Variants in ARHGAP39 observed in about 807,000 individuals in gnomAD.
The protein encoded by ARHGAP39 is rho GTPase-activating protein 39.
In ARHGAP39, 44 loss-of-function variants were observed where a neutral mutation model predicts 106.9. The ratio of observed to expected loss-of-function variants is 0.41; its 90% CI spans 0.32 to 0.53. ARHGAP39 has a LOEUF of 0.53. Among genes scored for constraint, ARHGAP39 ranks in the 20% least tolerant of loss-of-function variants. The pLI, the probability that ARHGAP39 is intolerant of heterozygous loss-of-function variation, is 0.21. For synonymous variants in ARHGAP39, 768 were observed against 693.2 expected, an observed-to-expected ratio of 1.11 and a Z score of -1.69; for missense variants, 1,496 against 1,577.3, an observed-to-expected ratio of 0.95 and a Z score of 0.87.
intron 3 of ARHGAP39, among the ~76,000 whole-genome samples, chr8:144,561,939 C>CGG (rs1818188045): frequency 3.3e-5 from 5 of 150,598 alleles, no homozygotes; most frequent in African/African-American, 1.2e-4. Context: ...TGGTTTCCAT[C>CGG]ACACTCCAGT....
At chr8:144,536,290 C>T (rs1213792805) in intron 7 of ARHGAP39, among the ~76,000 whole-genome samples, 3 of 152,132 alleles carry the variant, frequency 2.0e-5, no homozygotes, top group Non-Finnish European at 4.4e-5. Flanking sequence ...GCCAGGCCTG[C>T]CCCGGGGACC....
chr8:144,691,473 C>G, the ARHGAP39 span, among the ~76,000 whole-genome samples: 36 of 152,174 alleles, frequency 2.4e-4, no homozygotes, highest in Non-Finnish European at 4.6e-4. Context: ...GAAAGTGAGA[C>G]TTTTAATGAT....
chr8:144,548,000 C>T lies in ARHGAP39; in HGVS notation c.1086G>A (p.Gln362=), dbSNP rs1474850906. 6.2e-7 allele frequency: 1 copy of T among 1,610,216 alleles called. No individual in the cohort carries two copies. The highest frequency in any genetic ancestry group is 2.2e-5 in the East Asian group (1 of 44,788). The change falls in exon 5 of 12, where the codon CAG becomes CAA. Residue 362 remains glutamine, a synonymous_variant. Coordinates refer to ENST00000377307, the MANE Select transcript of ARHGAP39 (RefSeq NM_025251.3). The surrounding 1 kb of genome is among the most constrained non-coding windows in gnomAD (Gnocchi z 5.2). The part of the protein sequence containing the change: ...KPRPFLQPNK[Q]GPPSPCQQLV... ...GCTGCTGGCAGGGCGAGGGGGGGCC[C>T]TGCTTGTTGGGCTGGAGGAACGGCC... is the stretch of plus-strand genomic sequence containing the variant.
chr8:144,651,650 T>G (rs1036827451), intron 1 of ARHGAP39, among the ~76,000 whole-genome samples: 3 of 152,096 alleles, frequency 2.0e-5, no homozygotes, highest in African/African-American at 7.2e-5. Flanking sequence ...GAGGTTGCAG[T>G]GATCTGAGAT....
chr8:144,552,100 G>A (rs1817717734), intron 4 of ARHGAP39, among the ~76,000 whole-genome samples: 1 of 152,226 alleles, frequency 6.6e-6, no homozygotes, highest in African/African-American at 2.4e-5. Context: ...CTGTTCAGGG[G>A]ACACTTCCAA....
intron 8 of ARHGAP39, 55 bp from the exon 9 acceptor site, chr8:144,533,380 GC>G: frequency 6.4e-7 from 1 of 1,554,382 alleles, no homozygotes; most frequent in Non-Finnish European, 8.8e-7. Flanking sequence ...AGGACCCCCC[GC>G]CACCCCGGTT....
intron 3 of ARHGAP39, among the ~76,000 whole-genome samples, chr8:144,563,899 T>A (rs1019890343): frequency 6.6e-6 from 1 of 152,250 alleles, no homozygotes; most frequent in African/African-American, 2.4e-5. Flanking sequence ...CAACCTAACA[T>A]TACAAATCAA....
intron 3 of ARHGAP39, among the ~76,000 whole-genome samples, chr8:144,579,210 A>AG (rs1818878465): frequency 1.3e-5 from 2 of 150,340 alleles, no homozygotes; most frequent in South Asian, 4.2e-4. Context: ...TCAAAAAAAA[A>AG]AAAAAAAAAA....
intron 4 of ARHGAP39, among the ~76,000 whole-genome samples, chr8:144,551,313 C>T (rs544774746): frequency 9.1e-4 from 138 of 152,304 alleles, no homozygotes; most frequent in Middle Eastern, 6.8e-3. Context: ...ATCTCAGGAA[C>T]GGACATGGGT....
intron 1 of ARHGAP39, among the ~76,000 whole-genome samples, chr8:144,654,810 C>T (rs1821656172): frequency 1.3e-5 from 2 of 152,028 alleles, no homozygotes; most frequent in African/African-American, 2.4e-5. Context: ...AGATCTGAGC[C>T]TCCCTGTGTT....
At chr8:144,669,638 G>A (rs1822052541) in intron 1 of ARHGAP39, among the ~76,000 whole-genome samples, 1 of 151,848 alleles carries the variant, frequency 6.6e-6, no homozygotes, top group African/African-American at 2.4e-5. Context: ...TCCGGCACTT[G>A]TATACAGAAT....
At chr8:144,581,339 C>G (rs1818983874) in intron 2 of ARHGAP39, 62 bp from the exon 3 acceptor site, 3 of 1,455,176 alleles carry the variant, frequency 2.1e-6, no homozygotes, top group African/African-American at 1.4e-5. Context: ...GCCTCCCACC[C>G]CTGCAGACCC....
chr8:144,606,720 C>T (rs1820306204), intron 1 of ARHGAP39, among the ~76,000 whole-genome samples: 2 of 151,998 alleles, frequency 1.3e-5, no homozygotes, highest in Admixed American at 6.6e-5. Flanking sequence ...CCCCTAAACC[C>T]TAAGTTGTTC....
At chr8:144,660,146 C>T (rs1821787928) in intron 1 of ARHGAP39, among the ~76,000 whole-genome samples, 1 of 152,154 alleles carries the variant, frequency 6.6e-6, no homozygotes, top group African/African-American at 2.4e-5. Context: ...TGGAATGCTC[C>T]CGTGTCTCCT....
Position 144,568,149 on chromosome 8 carries a change from T to G in ARHGAP39, c.513-12506A>C, listed in dbSNP as rs1231608573. On this transcript the variant is annotated intron_variant, in intron 3 of 11. Transcript: ENST00000377307. ...GAGTTTGAGATCAGCCTGGCCAACA[T>G]GGTGAACTCTCGTCTTTGCCAAAAA... 1.3e-5 allele frequency among the ~76,000 whole-genome samples: 2 copies of G among 151,880 alleles called. 1 individual carries two copies. Among genetic ancestry groups the G allele is most frequent in the Non-Finnish European group, 2.9e-5 (2 of 67,936 alleles).
At chr8:144,627,958 G>C (rs990524456) in intron 1 of ARHGAP39, among the ~76,000 whole-genome samples, 2 of 152,264 alleles carry the variant, frequency 1.3e-5, no homozygotes, top group East Asian at 3.9e-4. Context: ...GGGGCCCGCC[G>C]CAACTCAGAC....
intron 1 of ARHGAP39, among the ~76,000 whole-genome samples, chr8:144,618,057 CAGGTATG>C (rs982129700): frequency 1.2e-4 from 19 of 152,304 alleles, no homozygotes; most frequent in Non-Finnish European, 1.9e-4. Flanking sequence ...GCTGGGATTC[CAGGTATG>C]AGCCACCACG....
At chr8:144,674,369 G>A (rs1484954280) in intron 1 of ARHGAP39, among the ~76,000 whole-genome samples, 1 of 151,970 alleles carries the variant, frequency 6.6e-6, no homozygotes, top group Non-Finnish European at 1.5e-5. Flanking sequence ...TCAGGTCTCA[G>A]CAGAGAGGAG....
At chr8:144,583,673 A>T (rs1586579364) in intron 2 of ARHGAP39, among the ~76,000 whole-genome samples, 1 of 152,314 alleles carries the variant, frequency 6.6e-6, no homozygotes, top group Middle Eastern at 3.4e-3. Flanking sequence ...TTCTATTCTG[A>T]GAGTCACACG....
Sources: gnomAD v4.1 joint callset for allele counts (sites outside exome capture counted in the v4.1 genomes callset) on GRCh38, gnomAD v4.1.1 for gene constraint, Gnocchi (gnomAD v3.1) non-coding constraint, MANE v1.5 for transcripts, NCBI Gene and HGNC (gene_info 2026-07-23, HGNC 2026-07-21) for gene names.